PIEZO2: variants seen among roughly 807,000 people sequenced by gnomAD.
PIEZO2 encodes piezo type mechanosensitive ion channel component 2.
A neutral mutation model predicts 337.3 loss-of-function variants in PIEZO2; 172 were observed. The observed-to-expected ratio is 0.51, with a 90% CI of 0.45 to 0.58. PIEZO2 has a LOEUF of 0.58. PIEZO2 is among the 20% of genes least tolerant of loss of function. PIEZO2 has a pLI of 0.00. For synonymous variants in PIEZO2, 1,251 were observed against 1,228.5 expected (o/e 1.02, Z -0.38); for missense variants, 3,028 against 3,391.3 (o/e 0.89, Z 2.66).
At chr18:10,709,410 C>T (rs2035726487) in intron 39 of PIEZO2, 1 of 152,264 alleles carries the variant, frequency 6.6e-6, no homozygotes, top group South Asian at 2.1e-4. Flanking sequence ...AGATCCTCTA[C>T]AGAAAGCAAC....
In PIEZO2 at chr18:11,102,878, T is replaced by C. The variant is rs2039459661; in HGVS notation, c.65-36656A>G. Among the ~76,000 whole-genome samples the C allele has an allele frequency of 6.6e-6, 1 of 152,160 alleles. No individual in the cohort carries two copies. ...GCCCCGTCCCCAAGGCACAGCACTT[T>C]CCAGTTTTGCCACTTGAGAGAGACT... is the stretch of plus-strand genomic sequence containing the variant. On this transcript the variant is annotated intron_variant, in intron 1 of 55. Transcript: ENST00000674853. The surrounding 1 kb of genome is among the most constrained non-coding windows in gnomAD (Gnocchi z 5.7).
At position 10,767,052 on chromosome 18, in the gene PIEZO2, C is replaced by T. The variant is rs148414648; in HGVS notation, c.2946+3096G>A. Among the ~76,000 whole-genome samples, 297 of 147,282 alleles carry T rather than the reference C, an allele frequency of 2.0e-3. 2 individuals are homozygous for T. Among genetic ancestry groups the T allele is most frequent in the African/African-American group, 7.1e-3 (284 of 40,094 alleles). The stretch of plus-strand genomic sequence containing the variant: ...TCCCTTCCTTCTCCAATTGGCCAGG[C>T]CCCCCAGGGAGGAGCTGAGGTGCTA... On this transcript the variant is annotated intron_variant, in intron 21 of 55. Transcript: ENST00000674853. This position sits in a 1 kb window ranked among gnomAD's most constrained non-coding sequence, Gnocchi z 4.2.
intron 4 of PIEZO2, among the ~76,000 whole-genome samples, chr18:10,880,919 A>T (rs2042403051): frequency 7.5e-6 from 1 of 132,672 alleles, no homozygotes; most frequent in African/African-American, 2.8e-5. Flanking sequence ...TATGAGAGAG[A>T]GACTATGTTT....
rs760254062 is a variant in PIEZO2 at position 10,680,191 on chromosome 18, G to A, written c.7952+8C>T. 5.6e-5 allele frequency: 89 copies of A among 1,603,598 alleles called. No homozygotes were observed. The South Asian group carries it at 9.4e-4, about 17-fold the overall frequency. ...GGGATAAATTATACATGGAAATACA[G>A]TAACTACCTCTGAATACTCCATGAA... On this transcript the variant is annotated splice_region_variant and intron_variant, in intron 52 of 55. Coordinates refer to ENST00000674853, the MANE Select transcript of PIEZO2 (RefSeq NM_001378183.1).
At chr18:11,081,582 G>A (rs1366500160) in intron 1 of PIEZO2, among the ~76,000 whole-genome samples, 2 of 152,074 alleles carry the variant, frequency 1.3e-5, no homozygotes, top group Non-Finnish European at 2.9e-5. Context: ...GCCATCCTGG[G>A]GCCACTTCTC....
chr18:11,149,236 C>G lies in PIEZO2; in HGVS notation c.-648G>C, dbSNP rs1361610705. 6.6e-6 allele frequency among the ~76,000 whole-genome samples: 1 copy of G among 151,986 alleles called. No homozygotes were observed. The highest frequency in any genetic ancestry group is 1.5e-5 in the Non-Finnish European group (1 of 67,980). On this transcript the variant is annotated 5_prime_UTR_variant, in exon 1 of 56. Transcript: ENST00000674853. This position sits in a 1 kb window ranked among gnomAD's most constrained non-coding sequence, Gnocchi z 8.7. ...CAGCGCAGCTCAGCCCCTGCGCCCC[C>G]CAGCTTCGGGCCGGAGAGACCGGGG...
Position 11,126,313 on chromosome 18 carries a change from A to G in PIEZO2, c.64+22212T>C, listed in dbSNP as rs1304729924. Reference sequence around the variant, plus strand: ...GTGAGGAATGATCTGTTATTTGCCCAGCATCACTCCCCTCTCTCCTTTCTG... The same window carrying G: ...GTGAGGAATGATCTGTTATTTGCCCGGCATCACTCCCCTCTCTCCTTTCTG... On this transcript the variant is annotated intron_variant, in intron 1 of 55. Transcript: ENST00000674853. The surrounding 1 kb of genome is among the most constrained non-coding windows in gnomAD (Gnocchi z 4.6). Among the ~76,000 whole-genome samples, 2 of 152,206 alleles carry G rather than the reference A, an allele frequency of 1.3e-5. No homozygotes were observed. Among genetic ancestry groups the G allele is most frequent in the Non-Finnish European group, 2.9e-5 (2 of 68,048 alleles).
At chr18:11,123,313 G>A (rs1419582747) in intron 1 of PIEZO2, among the ~76,000 whole-genome samples, 1 of 152,162 alleles carries the variant, frequency 6.6e-6, no homozygotes, top group African/African-American at 2.4e-5. Context: ...TTTAAATAGG[G>A]CAGGTAAAGT....
rs976376484 is a variant in PIEZO2, at chr18:10,819,740, A to G, written c.918-12466T>C. Among the ~76,000 whole-genome samples, 5 of 152,214 alleles carry G rather than the reference A, an allele frequency of 3.3e-5. No individual in the cohort carries two copies. The highest frequency in any genetic ancestry group is 4.8e-5 in the African/African-American group (2 of 41,446). On this transcript the variant is annotated intron_variant, in intron 7 of 55. Coordinates refer to ENST00000674853, the MANE Select transcript of PIEZO2 (RefSeq NM_001378183.1). The surrounding 1 kb of genome is among the most constrained non-coding windows in gnomAD (Gnocchi z 4.3). ...TATCTTCACAAAACTTCATACAGAG[A>G]TAGAAAAAAGGTGAATCTCATTTCA...
At chr18:10,785,082 TC>T in intron 16 of PIEZO2, 125 bp from the exon 17 acceptor site, 1 of 993,110 alleles carries the variant, frequency 1.0e-6, no homozygotes, top group Non-Finnish European at 1.4e-6. Context: ...AATCCCTCTC[TC>T]CCATATGGTC....
chr18:10,741,750 C>T (rs940115907), intron 32 of PIEZO2, among the ~76,000 whole-genome samples: 1 of 151,976 alleles, frequency 6.6e-6, no homozygotes, highest in Non-Finnish European at 1.5e-5. Flanking sequence ...TTTTAGGTAC[C>T]AATGGTCAGG....
At chr18:11,144,566 A>C (rs1057145911) in intron 1 of PIEZO2, among the ~76,000 whole-genome samples, 1 of 152,240 alleles carries the variant, frequency 6.6e-6, no homozygotes. Context: ...AGAGAAAATT[A>C]TGATTAGATA....
intron 2 of PIEZO2, among the ~76,000 whole-genome samples, chr18:10,992,090 T>C (rs2035131852): frequency 6.6e-6 from 1 of 152,226 alleles, no homozygotes; most frequent in Non-Finnish European, 1.5e-5. Flanking sequence ...TGTTTTTTTC[T>C]TGTAAATTTG....
intron 1 of PIEZO2, among the ~76,000 whole-genome samples, chr18:11,144,211 GACA>G (rs2040749170): frequency 6.6e-6 from 1 of 152,146 alleles, no homozygotes; most frequent in South Asian, 2.1e-4. Flanking sequence ...CAGCTCAGGA[GACA>G]ACATGCTCAT....
chr18:10,720,619 T>G (rs150604738), intron 36 of PIEZO2, among the ~76,000 whole-genome samples: 1 of 150,680 alleles, frequency 6.6e-6, no homozygotes, highest in Non-Finnish European at 1.5e-5. Context: ...CACACCTGAC[T>G]ATATTAAGAA....
At chr18:10,906,358 C>T (rs1419631381) in intron 4 of PIEZO2, among the ~76,000 whole-genome samples, 3 of 151,958 alleles carry the variant, frequency 2.0e-5, no homozygotes, top group Admixed American at 6.6e-5. Flanking sequence ...TAAAAACGGG[C>T]AAGAGATCAG....
At chr18:10,844,664 C>T (rs1007939563) in intron 7 of PIEZO2, among the ~76,000 whole-genome samples, 7 of 151,530 alleles carry the variant, frequency 4.6e-5, no homozygotes, top group Non-Finnish European at 1.0e-4. Flanking sequence ...TGGTGGGTGC[C>T]TGTAGTCCCA....
chr18:10,904,385 CT>C (rs1391216981), intron 4 of PIEZO2, among the ~76,000 whole-genome samples: 1 of 152,224 alleles, frequency 6.6e-6, no homozygotes, highest in Non-Finnish European at 1.5e-5. Flanking sequence ...TAAGATTTGA[CT>C]TTACTCATTT....
At chr18:10,782,138 T>A (rs943899602) in intron 17 of PIEZO2, among the ~76,000 whole-genome samples, 1 of 142,334 alleles carries the variant, frequency 7.0e-6, no homozygotes, top group African/African-American at 2.6e-5. Flanking sequence ...TTTTATATAT[T>A]ATATGTAAAA....
Sources: gnomAD v4.1 joint callset for allele counts (sites outside exome capture counted in the v4.1 genomes callset) on GRCh38, gnomAD v4.1.1 for gene constraint, Gnocchi (gnomAD v3.1) non-coding constraint, MANE v1.5 for transcripts, NCBI Gene and HGNC (gene_info 2026-07-23, HGNC 2026-07-21) for gene names.